The following WWTR1 variants were observed in gnomAD, a reference collection of about 807,000 sequenced individuals.
WWTR1 encodes WW domain-containing transcription regulator protein 1.
WWTR1 carries 13 observed loss-of-function variants against 40.1 expected under a neutral mutation model. The observed-to-expected ratio is 0.32, with a 90% CI of 0.21 to 0.52. The LOEUF is 0.52. Ranked by LOEUF, WWTR1 falls within the 20% of genes least tolerant of loss-of-function variation. WWTR1 has a pLI of 0.97. For missense variants in WWTR1, 436 were observed against 523.1 expected, an observed-to-expected ratio of 0.83 and a Z score of 1.63; for synonymous variants, 230 against 210.1, an observed-to-expected ratio of 1.09 and a Z score of -0.82.
chr3:149,593,770 ATTG>A (rs2108035744), intron 2 of WWTR1, among the ~76,000 whole-genome samples: 1 of 152,330 alleles, frequency 6.6e-6, no homozygotes, highest in South Asian at 2.1e-4. Flanking sequence ...TATGTAAAAC[ATTG>A]TTGTGGGAAT....
chr3:149,621,673 G>A (rs1246330708), intron 2 of WWTR1, among the ~76,000 whole-genome samples: 3 of 152,206 alleles, frequency 2.0e-5, no homozygotes, highest in Admixed American at 2.0e-4. Context: ...TCAGAAGACA[G>A]AAATCATACT....
intron 2 of WWTR1, among the ~76,000 whole-genome samples, chr3:149,577,664 T>C (rs1737950045): frequency 6.6e-6 from 1 of 152,220 alleles, no homozygotes; most frequent in Admixed American, 6.5e-5. Context: ...TGGTAGGTTA[T>C]GAAAAACCAT....
chr3:149,599,542 G>A (rs1015536012), intron 2 of WWTR1, among the ~76,000 whole-genome samples: 1 of 152,204 alleles, frequency 6.6e-6, no homozygotes, highest in Non-Finnish European at 1.5e-5. Context: ...GTTGCCAACT[G>A]ACCTTGACTG....
At chr3:149,721,756 G>A (rs940243994) in intron 4 of WWTR1, among the ~76,000 whole-genome samples, 2 of 152,066 alleles carry the variant, frequency 1.3e-5, no homozygotes, top group African/African-American at 2.4e-5. Context: ...TAAGAGATGG[G>A]GTTTCTTATG....
intron 4 of WWTR1, among the ~76,000 whole-genome samples, chr3:149,540,693 C>A (rs545892543): frequency 6.6e-6 from 1 of 152,178 alleles, no homozygotes; most frequent in East Asian, 1.9e-4. Flanking sequence ...TATAAACAAC[C>A]GTTAGCCTGA....
chr3:149,585,771 T>C (rs1738393061), intron 2 of WWTR1, among the ~76,000 whole-genome samples: 1 of 152,212 alleles, frequency 6.6e-6, no homozygotes, highest in Non-Finnish European at 1.5e-5. Flanking sequence ...AGCAAAAGAA[T>C]ATGTAATGGA....
intron 5 of WWTR1, among the ~76,000 whole-genome samples, chr3:149,712,701 T>A (rs1007531013): frequency 1.3e-5 from 2 of 152,216 alleles, no homozygotes; most frequent in Non-Finnish European, 2.9e-5. Context: ...CTAATTCCTA[T>A]GGAATAGTAA....
At chr3:149,713,375 T>A (rs1001417917) in intron 5 of WWTR1, among the ~76,000 whole-genome samples, 2 of 150,660 alleles carry the variant, frequency 1.3e-5, no homozygotes, top group East Asian at 3.9e-4. Context: ...TTAATTTATT[T>A]ATTTTTTTTG....
chr3:149,600,663 T>C (rs1258149221), intron 2 of WWTR1, among the ~76,000 whole-genome samples: 1 of 152,246 alleles, frequency 6.6e-6, no homozygotes, highest in Non-Finnish European at 1.5e-5. Flanking sequence ...ATTTGATACA[T>C]TAAATGAAAT....
At chr3:149,716,148 C>T (rs139083897) in intron 5 of WWTR1, among the ~76,000 whole-genome samples, 3,760 of 152,056 alleles carry the variant, frequency 0.025, 100 homozygotes, top group South Asian at 0.093. Flanking sequence ...TTTGGGAGGC[C>T]GAGATGGGTG....
At chr3:149,605,613 A>C (rs571116274) in intron 2 of WWTR1, among the ~76,000 whole-genome samples, 117 of 152,306 alleles carry the variant, frequency 7.7e-4, no homozygotes, top group Non-Finnish European at 7.4e-5. Flanking sequence ...GACGTGTTTA[A>C]TGGGCAAAAG....
intron 2 of WWTR1, among the ~76,000 whole-genome samples, chr3:149,602,322 A>G (rs1208395988): frequency 6.6e-5 from 10 of 152,186 alleles, no homozygotes; most frequent in Admixed American, 6.5e-4. Flanking sequence ...TTTGCTAGCA[A>G]CTATTTTGGA....
At chr3:149,565,835 CGGGAGGTGGAGGTTGTG>C (rs1219658888) in intron 3 of WWTR1, among the ~76,000 whole-genome samples, 2 of 147,794 alleles carry the variant, frequency 1.4e-5, no homozygotes, top group Admixed American at 6.9e-5. Flanking sequence ...TGCTTGAACC[CGGGAGGTGGAGGTTGTG>C]GGGAGGTGGA....
intron 3 of WWTR1, among the ~76,000 whole-genome samples, chr3:149,560,548 C>G (rs1011227): frequency 0.62 from 94,949 of 152,132 alleles, 30,896 homozygotes; most frequent in East Asian, 0.96. Context: ...GTTGATACGG[C>G]AGAAATTAAG....
rs76068609 is a variant in WWTR1 at position 149,575,864 on chromosome 3, G to A, written c.432-2864C>T. ...CTGGGACAGAGTGTGGGGCCTTCTG[G>A]GTGGACCTCATCCTGACAGTTCTGA... On this transcript the variant is annotated intron_variant, in intron 2 of 6. Transcript: ENST00000360632. 2.5e-3 allele frequency among the ~76,000 whole-genome samples: 382 copies of A among 152,188 alleles called. 3 individuals carry two copies. The highest frequency in any genetic ancestry group is 8.8e-3 in the African/African-American group (365 of 41,516).
intron 3 of WWTR1, among the ~76,000 whole-genome samples, chr3:149,571,214 C>CTTTTTT (rs10535515): frequency 8.4e-4 from 85 of 101,252 alleles, no homozygotes; most frequent in African/African-American, 2.0e-3. Context: ...TTTTTCTTTT[C>CTTTTTT]TTTTTTTTTT....
chr3:149,541,865 A>G (rs1736114731), intron 4 of WWTR1, among the ~76,000 whole-genome samples: 1 of 152,146 alleles, frequency 6.6e-6, no homozygotes, highest in African/African-American at 2.4e-5. Context: ...AGCCATTGTG[A>G]ACTATCCAGA....
chr3:149,608,355 T>C (rs1484207215), intron 2 of WWTR1, among the ~76,000 whole-genome samples: 1 of 151,950 alleles, frequency 6.6e-6, no homozygotes, highest in Non-Finnish European at 1.5e-5. Context: ...GCCTGCACAG[T>C]TAGCACATAT....
intron 2 of WWTR1, among the ~76,000 whole-genome samples, chr3:149,592,611 G>A (rs1738782501): frequency 6.6e-6 from 1 of 152,148 alleles, no homozygotes; most frequent in East Asian, 1.9e-4. Context: ...ATATGTATGT[G>A]TATAAATATA....
Sources: gnomAD v4.1 joint callset for allele counts (sites outside exome capture counted in the v4.1 genomes callset) on GRCh38, gnomAD v4.1.1 for gene constraint, MANE v1.5 for transcripts, NCBI Gene and HGNC (gene_info 2026-07-23, HGNC 2026-07-21) for gene names.